The following SOX6 variants were observed in gnomAD, a reference collection of about 807,000 sequenced individuals.
SOX6 encodes transcription factor SOX-6.
SOX6 carries 11 observed loss-of-function variants against 97.8 expected under a neutral mutation model. The ratio of observed to expected loss-of-function variants is 0.11; its 90% confidence interval spans 0.07 to 0.19. SOX6 has a LOEUF of 0.19. Ranked by LOEUF, SOX6 falls within the 10% of genes least tolerant of loss-of-function variation. SOX6 has a pLI of 1.00. For synonymous variants in SOX6, 360 were observed against 371.4 expected (o/e 0.97, Z 0.35); for missense variants, 810 against 1,039.5 (o/e 0.78, Z 3.04).
intron 3 of SOX6, among the ~76,000 whole-genome samples, chr11:16,617,507 G>T (rs1351474220): frequency 6.6e-6 from 1 of 151,840 alleles, no homozygotes; most frequent in Admixed American, 6.6e-5. Context: ...GCATATTTCA[G>T]ATATTTTTAA....
chr11:16,223,651 T>A (rs576125719), intron 4 of SOX6, among the ~76,000 whole-genome samples: 102 of 152,218 alleles, frequency 6.7e-4, no homozygotes, highest in African/African-American at 2.2e-3. Context: ...TAGAGAAAGG[T>A]TCCCCCTCAG....
chr11:16,185,751 A>G (rs1372952563), intron 5 of SOX6, among the ~76,000 whole-genome samples: 2 of 152,148 alleles, frequency 1.3e-5, no homozygotes, highest in Non-Finnish European at 2.9e-5. Flanking sequence ...TCATCTCTGG[A>G]TGGCTAAATG....
chr11:16,060,919 T>G (rs1223122481), intron 9 of SOX6, among the ~76,000 whole-genome samples: 11 of 151,854 alleles, frequency 7.2e-5, no homozygotes, highest in Admixed American at 7.2e-4. Context: ...TTTTGAATGC[T>G]TAGCACCAAT....
intron 4 of SOX6, among the ~76,000 whole-genome samples, chr11:16,568,095 A>G (rs1235546016): frequency 2.0e-5 from 3 of 152,098 alleles, no homozygotes; most frequent in Admixed American, 2.0e-4. Context: ...AGTGTAAAAA[A>G]TTACCTTCAG....
At chr11:16,627,724 A>G (rs562187592) in intron 3 of SOX6, among the ~76,000 whole-genome samples, 59 of 152,302 alleles carry the variant, frequency 3.9e-4, no homozygotes, top group Middle Eastern at 3.4e-3. Context: ...TAGTTTGCAA[A>G]TATTTTCTCC....
intron 12 of SOX6, among the ~76,000 whole-genome samples, chr11:16,016,821 CA>C (rs1415886462): frequency 1.3e-5 from 2 of 152,004 alleles, no homozygotes; most frequent in African/African-American, 2.4e-5. Flanking sequence ...ATGTTAAATG[CA>C]AAAGGAGTTT....
intron 4 of SOX6, among the ~76,000 whole-genome samples, chr11:16,212,461 A>G (rs1378804671): frequency 1.3e-5 from 2 of 152,022 alleles, no homozygotes; most frequent in Admixed American, 1.3e-4. Flanking sequence ...TTCATTTAAT[A>G]TTATGTTTTT....
At chr11:16,318,281 T>G in intron 3 of SOX6, 165 bp downstream of exon 3, 2 of 698,818 alleles carry the variant, frequency 2.9e-6, no homozygotes, top group Non-Finnish European at 5.0e-6. Flanking sequence ...ACACTCCTAA[T>G]GGATCAAAAT....
chr11:15,990,568 A>T (rs10741688), intron 13 of SOX6, among the ~76,000 whole-genome samples: 77,878 of 151,870 alleles, frequency 0.51, 20,313 homozygotes, highest in East Asian at 0.64. Flanking sequence ...TAATGCATGA[A>T]TGAATAAATA....
intron 3 of SOX6, among the ~76,000 whole-genome samples, chr11:16,682,895 G>A (rs1847939343): frequency 6.6e-6 from 1 of 152,166 alleles, no homozygotes; most frequent in Non-Finnish European, 1.5e-5. Flanking sequence ...CAAAGTCTCA[G>A]GATACAAAAT....
In SOX6 at chr11:16,300,984, CA is replaced by C. The variant is rs1565078058; in HGVS notation, c.445+17461del. Among the ~76,000 whole-genome samples, 1 of 152,146 alleles carries C rather than the reference CA, an allele frequency of 6.6e-6. No homozygotes were observed. Among genetic ancestry groups the C allele is most frequent in the African/African-American group, 2.4e-5 (1 of 41,432 alleles). On this transcript the variant is annotated intron_variant, in intron 3 of 15. Coordinates refer to ENST00000683767, the MANE Select transcript of SOX6 (RefSeq NM_001367873.1). This position sits in a 1 kb window ranked among gnomAD's most constrained non-coding sequence, Gnocchi z 4.1. ...ATCCAGATTATTACATCTGAAACCA[CA>C]CAATACCTTTTCTTTTTTCCCTCAT...
At chr11:16,410,600 C>A (rs1858785772) in intron 1 of SOX6, among the ~76,000 whole-genome samples, 2 of 151,258 alleles carry the variant, frequency 1.3e-5, no homozygotes, top group South Asian at 2.1e-4. Context: ...CTACAAAAAA[C>A]AAACAAAATT....
intron 1 of SOX6, among the ~76,000 whole-genome samples, chr11:16,437,204 G>A (rs1859393769): frequency 6.6e-6 from 1 of 151,804 alleles, no homozygotes; most frequent in Admixed American, 6.6e-5. Flanking sequence ...AAGAGCTCAA[G>A]GCTGAAGGGA....
intron 2 of SOX6, among the ~76,000 whole-genome samples, chr11:16,337,153 G>A (rs921612922): frequency 2.0e-5 from 3 of 151,894 alleles, no homozygotes; most frequent in African/African-American, 7.3e-5. Flanking sequence ...ATACACTCAG[G>A]TATCCAGTGA....
At chr11:16,347,973 A>T (rs1044087546) in intron 1 of SOX6, among the ~76,000 whole-genome samples, 8 of 151,754 alleles carry the variant, frequency 5.3e-5, no homozygotes, top group Non-Finnish European at 1.0e-4. Context: ...TATAAGTTTC[A>T]GGTTCCTATT....
At chr11:16,196,827 CTTCTTTTTTT>C (rs1851791255) in intron 4 of SOX6, among the ~76,000 whole-genome samples, 1 of 122,230 alleles carries the variant, frequency 8.2e-6, no homozygotes, top group Admixed American at 9.0e-5. Flanking sequence ...TCTTCTTCTT[CTTCTTTTTTT>C]TTTTTTTTTT....
intron 1 of SOX6, among the ~76,000 whole-genome samples, chr11:16,447,569 G>A (rs570990677): frequency 6.6e-6 from 1 of 152,010 alleles, no homozygotes; most frequent in South Asian, 2.1e-4. Flanking sequence ...TTAATCACTT[G>A]ATACATACTG....
At chr11:16,040,039 C>A (rs1399403707) in intron 12 of SOX6, among the ~76,000 whole-genome samples, 1 of 151,882 alleles carries the variant, frequency 6.6e-6, no homozygotes, top group African/African-American at 2.4e-5. Context: ...TAAGTTTGCT[C>A]CATACATAAC....
chr11:16,082,599 T>G (rs1005085583), intron 9 of SOX6, among the ~76,000 whole-genome samples: 2 of 152,198 alleles, frequency 1.3e-5, no homozygotes, highest in African/African-American at 4.8e-5. Context: ...TTATTCAGCA[T>G]GTATCATTAC....
Sources: allele counts gnomAD v4.1 joint callset (sites outside exome capture counted in the v4.1 genomes callset), GRCh38; gene constraint gnomAD v4.1.1; non-coding constraint Gnocchi (gnomAD v3.1); transcripts MANE v1.5; gene names NCBI Gene and HGNC (gene_info 2026-07-23, HGNC 2026-07-21).